EXOC6B: variants seen among roughly 807,000 people sequenced by gnomAD.
The protein encoded by EXOC6B is exocyst complex component 6B.
In EXOC6B, 54 loss-of-function variants were observed where a neutral mutation model predicts 113.5. That is an observed-to-expected ratio of 0.48 (90% CI 0.38 to 0.60). The LOEUF is 0.60. Among genes scored for constraint, EXOC6B ranks in the 20% least tolerant of loss-of-function variants. The pLI is 0.00. For synonymous variants in EXOC6B, 357 were observed against 339.0 expected, an observed-to-expected ratio of 1.05 and a Z score of -0.58; for missense variants, 797 against 977.5, an observed-to-expected ratio of 0.82 and a Z score of 2.46.
chr2:72,547,952 C>T (rs1487031640), intron 8 of EXOC6B, among the ~76,000 whole-genome samples: 2 of 152,064 alleles, frequency 1.3e-5, no homozygotes, highest in East Asian at 3.8e-4. Context: ...CCCTTACCTG[C>T]CCAAATCTAA....
chr2:72,461,708 G>T (rs1697690754), intron 18 of EXOC6B: 1 of 151,836 alleles, frequency 6.6e-6, no homozygotes, highest in Non-Finnish European at 1.5e-5. Context: ...TCTAAAAGGG[G>T]AATTACATAG....
intron 20 of EXOC6B, among the ~76,000 whole-genome samples, chr2:72,203,815 T>C (rs966732929): frequency 1.3e-5 from 2 of 152,190 alleles, no homozygotes; most frequent in Non-Finnish European, 2.9e-5. Flanking sequence ...CATCAAGATA[T>C]TGAGATTATG....
chr2:72,539,521 C>T (rs1302857340), intron 8 of EXOC6B, among the ~76,000 whole-genome samples: 1 of 152,166 alleles, frequency 6.6e-6, no homozygotes, highest in Non-Finnish European at 1.5e-5. Flanking sequence ...TGCACTAAAA[C>T]CTCTTGCCCC....
intron 6 of EXOC6B, among the ~76,000 whole-genome samples, chr2:72,651,017 C>G (rs1414145704): frequency 3.3e-5 from 5 of 151,970 alleles, no homozygotes; most frequent in African/African-American, 1.2e-4. Context: ...CTAAGTTTAC[C>G]AAGAGACTAG....
intron 18 of EXOC6B, among the ~76,000 whole-genome samples, chr2:72,428,517 G>A (rs1695336895): frequency 6.6e-6 from 1 of 152,216 alleles, no homozygotes; most frequent in East Asian, 1.9e-4. Flanking sequence ...AAGTCTGACT[G>A]CACAGTGGCT....
At chr2:72,397,230 G>A (rs1692784888) in intron 18 of EXOC6B, among the ~76,000 whole-genome samples, 1 of 152,008 alleles carries the variant, frequency 6.6e-6, no homozygotes, top group Non-Finnish European at 1.5e-5. Flanking sequence ...AGCTATCTTG[G>A]AACCTTGAGG....
chr2:72,488,145 A>G (rs1699535518), intron 16 of EXOC6B, among the ~76,000 whole-genome samples: 1 of 152,110 alleles, frequency 6.6e-6, no homozygotes, highest in African/African-American at 2.4e-5. Flanking sequence ...CCTTCTTTTT[A>G]TCAATCAGCA....
chr2:72,658,166 G>C (rs1674726414), intron 6 of EXOC6B, among the ~76,000 whole-genome samples: 1 of 150,148 alleles, frequency 6.7e-6, no homozygotes, highest in South Asian at 2.1e-4. Flanking sequence ...ATATGCCCTT[G>C]ATCTTAAAAG....
At chr2:72,261,023 T>C (rs1312903571) in intron 20 of EXOC6B, among the ~76,000 whole-genome samples, 1 of 152,178 alleles carries the variant, frequency 6.6e-6, no homozygotes, top group Non-Finnish European at 1.5e-5. Context: ...GAGTTTATGT[T>C]GACAAGGTCT....
chr2:72,258,548 T>G (rs1369906067), intron 20 of EXOC6B, among the ~76,000 whole-genome samples: 3 of 151,394 alleles, frequency 2.0e-5, no homozygotes, highest in Non-Finnish European at 4.4e-5. Flanking sequence ...ATTTTTTCTT[T>G]TATAGAGATA....
chr2:72,816,057 G>C (rs1359463809), intron 1 of EXOC6B, among the ~76,000 whole-genome samples: 1 of 152,178 alleles, frequency 6.6e-6, no homozygotes, highest in Non-Finnish European at 1.5e-5. Context: ...TACTCGCCAG[G>C]GTGAGGCAGG....
intron 18 of EXOC6B, among the ~76,000 whole-genome samples, chr2:72,418,910 T>C (rs2105252552): frequency 6.6e-6 from 1 of 152,264 alleles, no homozygotes; most frequent in Middle Eastern, 3.4e-3. Context: ...ATTACTGTCT[T>C]TTTTTGTGAT....
intron 8 of EXOC6B, among the ~76,000 whole-genome samples, chr2:72,530,732 T>A (rs1050996060): frequency 6.6e-6 from 1 of 152,152 alleles, no homozygotes; most frequent in Non-Finnish European, 1.5e-5. Context: ...TAGTTTTTAC[T>A]TCACATATTT....
rs778304758 is a variant in EXOC6B, at chr2:72,823,150, T to TAA, written c.113+2646_113+2647dup. Among the ~76,000 whole-genome samples, 483 of 73,756 alleles carry TAA rather than the reference T, an allele frequency of 6.5e-3. 5 individuals are homozygous for TAA. Among genetic ancestry groups the TAA allele is most frequent in the Non-Finnish European group, 0.01 (374 of 35,836 alleles). 48.4% of individuals were successfully genotyped at this position (73,756 alleles called of 152,430 possible). ...GACAGTAAGACTCAGTGTAATCTGC[T>TAA]AAAAAAAAAAAAAAAAAAAAAGTTG... is the stretch of plus-strand genomic sequence containing the variant. On this transcript the variant is annotated intron_variant, in intron 1 of 21. Coordinates refer to ENST00000272427, the MANE Select transcript of EXOC6B (RefSeq NM_015189.3).
intron 8 of EXOC6B, among the ~76,000 whole-genome samples, chr2:72,518,518 G>A (rs1466016677): frequency 2.6e-5 from 4 of 151,026 alleles, no homozygotes; most frequent in Non-Finnish European, 5.9e-5. Flanking sequence ...GTGTGTGTGT[G>A]TGGTGGGTGG....
Position 72,257,912 on chromosome 2 carries a change from G to A in EXOC6B, c.2197-73725C>T, listed in dbSNP as rs1015101719. ...GAAGAGTTGGAGTTAAATGGGCACA[G>A]AAATATCTCAGTCAAGTGCTAGGAC... On this transcript the variant is annotated intron_variant, in intron 20 of 21. Transcript: ENST00000272427. Among the ~76,000 whole-genome samples, 46 of 152,134 alleles carry A rather than the reference G, an allele frequency of 3.0e-4. 2 individuals carry two copies. The highest frequency in any genetic ancestry group is 2.9e-5 in the Non-Finnish European group (2 of 68,016).
At chr2:72,762,797 A>T (rs1301349250) in intron 1 of EXOC6B, among the ~76,000 whole-genome samples, 2 of 151,988 alleles carry the variant, frequency 1.3e-5, no homozygotes, top group Non-Finnish European at 2.9e-5. Flanking sequence ...GATAACATTT[A>T]AAAAAAGATT....
intron 18 of EXOC6B, among the ~76,000 whole-genome samples, chr2:72,406,164 A>G (rs1409695884): frequency 6.6e-6 from 1 of 152,218 alleles, no homozygotes; most frequent in African/African-American, 2.4e-5. Flanking sequence ...TATCCTAAAT[A>G]TATATGCACC....
intron 6 of EXOC6B, among the ~76,000 whole-genome samples, chr2:72,637,362 A>C (rs1315695424): frequency 1.3e-5 from 2 of 152,212 alleles, no homozygotes; most frequent in Admixed American, 6.5e-5. Context: ...GAATGGGACA[A>C]AATTTTTGCA....
Sources: gnomAD v4.1 joint callset for allele counts (sites outside exome capture counted in the v4.1 genomes callset) on GRCh38, gnomAD v4.1.1 for gene constraint, MANE v1.5 for transcripts, NCBI Gene and HGNC (gene_info 2026-07-23, HGNC 2026-07-21) for gene names.